The following ACCSL variants were observed in gnomAD, a reference collection of about 807,000 sequenced individuals.
ACCSL encodes the protein probable inactive 1-aminocyclopropane-1-carboxylate synthase-like protein 2.
In ACCSL, 55 loss-of-function variants were observed where a neutral mutation model predicts 61.7. That is an observed-to-expected ratio of 0.89 (90% CI 0.72 to 1.12). The LOEUF is 1.12. ACCSL is among the 50% of genes most tolerant of loss of function. The pLI is 0.00. For missense variants in ACCSL, 632 were observed against 698.0 expected, an observed-to-expected ratio of 0.91 and a Z score of 1.07; for synonymous variants, 258 against 264.3, an observed-to-expected ratio of 0.98 and a Z score of 0.23.
the ACCSL span, among the ~76,000 whole-genome samples, chr11:44,007,111 A>G: frequency 3.3e-5 from 5 of 152,124 alleles, no homozygotes; most frequent in Non-Finnish European, 7.4e-5. Flanking sequence ...TTGCCCATAC[A>G]AGGCCAGAGT....
At chr11:44,050,710 T>G in intron 3 of ACCSL, 88 bp downstream of exon 3, 1 of 1,266,820 alleles carries the variant, frequency 7.9e-7, no homozygotes, top group Non-Finnish European at 1.1e-6. Flanking sequence ...AATTCCTGGT[T>G]GGTTACCTCC....
At chr11:43,997,007 C>T in the ACCSL span, among the ~76,000 whole-genome samples, 135 of 151,998 alleles carry the variant, frequency 8.9e-4, 1 homozygote, top group African/African-American at 3.2e-3. Context: ...GAGACAGTTT[C>T]GCCATGTTGG....
upstream of ACCSL, among the ~76,000 whole-genome samples, chr11:44,045,872 G>T (rs966522822): frequency 4.6e-5 from 7 of 152,222 alleles, no homozygotes; most frequent in African/African-American, 1.7e-4. Flanking sequence ...ACAGGGCAAA[G>T]ATACTCAATG....
chr11:44,038,103 AG>A, the ACCSL span, among the ~76,000 whole-genome samples: 4 of 152,148 alleles, frequency 2.6e-5, no homozygotes, highest in African/African-American at 7.2e-5. Flanking sequence ...GTATGCTTGA[AG>A]GGGAAAAGTG....
At chr11:44,038,068 A>G in the ACCSL span, among the ~76,000 whole-genome samples, 4 of 152,336 alleles carry the variant, frequency 2.6e-5, no homozygotes, top group Non-Finnish European at 4.4e-5. Flanking sequence ...TAAACGATGC[A>G]TGTAATAAAT....
the ACCSL span, among the ~76,000 whole-genome samples, chr11:44,020,668 G>A: frequency 6.6e-6 from 1 of 152,036 alleles, no homozygotes; most frequent in Non-Finnish European, 1.5e-5. Flanking sequence ...GGAACAGGTG[G>A]TATCTAGTTA....
At position 44,048,014 on chromosome 11, in the gene ACCSL, A is replaced by G; in HGVS notation, c.-23A>G. On this transcript the variant is annotated 5_prime_UTR_variant, in exon 1 of 14. Coordinates refer to ENST00000378832, the MANE Select transcript of ACCSL (RefSeq NM_001031854.2). The stretch of plus-strand genomic sequence containing the variant: ...TCCATAGGTGCCAGGCAGCCTTCAG[A>G]GGCCAGTAAAGATACCCGGAGTATG... 1.3e-6 allele frequency: 2 copies of G among 1,593,710 alleles called. No individual in the cohort carries two copies. Among genetic ancestry groups the G allele is most frequent in the East Asian group, 2.3e-5 (1 of 44,348 alleles).
the ACCSL span, among the ~76,000 whole-genome samples, chr11:43,980,906 G>A: frequency 4.7e-5 from 7 of 147,998 alleles, no homozygotes; most frequent in African/African-American, 7.4e-5. Context: ...AGAAGCGTAC[G>A]TCACCTGGAT....
At chr11:44,058,737 C>G in intron 13 of ACCSL, 38 bp downstream of exon 13, 2 of 1,577,468 alleles carry the variant, frequency 1.3e-6, no homozygotes, top group Non-Finnish European at 8.6e-7. Flanking sequence ...TAAAGACGCC[C>G]CATCAATTTA....
At chr11:44,046,689 G>GT (rs139090482), upstream of ACCSL, among the ~76,000 whole-genome samples, 4,577 of 152,126 alleles carry the variant, frequency 0.03, 99 homozygotes, top group Non-Finnish European at 0.048. Flanking sequence ...GTAGGGGGAT[G>GT]TTACTTAGGG....
the ACCSL span, chr11:43,945,101 G>A: frequency 1.3e-5 from 2 of 152,368 alleles, no homozygotes; most frequent in African/African-American, 4.8e-5. Flanking sequence ...GGCTCAGAGA[G>A]AGCACAGGCT....
the ACCSL span, among the ~76,000 whole-genome samples, chr11:43,955,242 C>T: frequency 6.6e-6 from 1 of 152,172 alleles, no homozygotes; most frequent in African/African-American, 2.4e-5. Context: ...TCCTTTGCAA[C>T]CAGCGTGGTC....
At chr11:43,946,699 T>C in the ACCSL span, among the ~76,000 whole-genome samples, 1 of 152,252 alleles carries the variant, frequency 6.6e-6, no homozygotes, top group African/African-American at 2.4e-5. Flanking sequence ...ATTAAGTGAA[T>C]GCCCCACTAT....
the ACCSL span, among the ~76,000 whole-genome samples, chr11:43,994,433 T>C: frequency 6.6e-6 from 1 of 152,190 alleles, no homozygotes; most frequent in Non-Finnish European, 1.5e-5. Flanking sequence ...CATTATTCAA[T>C]AGGGTTGGAA....
At chr11:43,942,862 C>T in the ACCSL span, 12 of 1,242,430 alleles carry the variant, frequency 9.7e-6, no homozygotes, top group Middle Eastern at 3.1e-4. Context: ...CCTCGGAGAG[C>T]CCCGGCGCCC....
chr11:44,058,767 C>A, intron 13 of ACCSL, 68 bp downstream of exon 13: 2 of 1,531,132 alleles, frequency 1.3e-6, no homozygotes, highest in Non-Finnish European at 1.8e-6. Context: ...TCTTCTCCCC[C>A]ACCCCCCTTA....
the ACCSL span, among the ~76,000 whole-genome samples, chr11:43,970,091 G>T: frequency 2.0e-5 from 3 of 152,124 alleles, no homozygotes; most frequent in African/African-American, 7.2e-5. Context: ...CGATGCAGAA[G>T]AATTGCTTGG....
At chr11:44,031,223 T>G in the ACCSL span, among the ~76,000 whole-genome samples, 4 of 152,152 alleles carry the variant, frequency 2.6e-5, no homozygotes, top group Non-Finnish European at 5.9e-5. Context: ...AGAATAAACG[T>G]TCGCACGTCA....
chr11:44,058,724 C>G, intron 13 of ACCSL, 25 bp downstream of exon 13: 1 of 1,591,120 alleles, frequency 6.3e-7, no homozygotes. Context: ...CCTCCCAATC[C>G]TTTAAAGACG....
Sources: gnomAD v4.1 joint callset for allele counts (sites outside exome capture counted in the v4.1 genomes callset) on GRCh38, gnomAD v4.1.1 for gene constraint, MANE v1.5 for transcripts, NCBI Gene and HGNC (gene_info 2026-07-23, HGNC 2026-07-21) for gene names.